The following GALNT14 variants were observed in gnomAD, a reference collection of about 807,000 sequenced individuals.
GALNT14 encodes UDP-GalNAc:polypeptide N-acetylgalactosaminyltransferase 14.
In GALNT14, 60 loss-of-function variants were observed where a neutral mutation model predicts 77.5. That is an observed-to-expected ratio of 0.77 (90% CI 0.63 to 0.96). GALNT14 has a LOEUF of 0.96. GALNT14 is among the 40% of genes least tolerant of loss of function. The pLI, the probability that GALNT14 is intolerant of heterozygous loss-of-function variation, is 0.00. For synonymous variants in GALNT14, 280 were observed against 281.7 expected (o/e 0.99, Z 0.06); for missense variants, 710 against 731.0 (o/e 0.97, Z 0.33).
chr2:31,115,360 C>T (rs1220913917), intron 1 of GALNT14, among the ~76,000 whole-genome samples: 3 of 152,044 alleles, frequency 2.0e-5, no homozygotes, highest in Non-Finnish European at 2.9e-5. Flanking sequence ...AGAATATTTG[C>T]GGATACAAGA....
intron 3 of GALNT14, 34 bp from the exon 4 acceptor site, chr2:30,958,498 C>G: frequency 1.3e-6 from 2 of 1,553,680 alleles, no homozygotes; most frequent in Non-Finnish European, 1.8e-6. Context: ...ATCACTGGAA[C>G]TTCTAGTGGC....
intron 1 of GALNT14, among the ~76,000 whole-genome samples, chr2:31,092,778 T>A (rs138659584): frequency 6.6e-6 from 1 of 152,204 alleles, no homozygotes; most frequent in African/African-American, 2.4e-5. Context: ...GAATATACAA[T>A]GTAGTGATCA....
At chr2:31,045,446 T>TC (rs1307200890) in intron 1 of GALNT14, among the ~76,000 whole-genome samples, 1 of 152,066 alleles carries the variant, frequency 6.6e-6, no homozygotes, top group East Asian at 1.9e-4. Context: ...CCATGACCCC[T>TC]CCCCCATTTT....
intron 1 of GALNT14, among the ~76,000 whole-genome samples, chr2:31,095,587 T>G (rs768308470): frequency 6.6e-6 from 1 of 152,164 alleles, no homozygotes; most frequent in African/African-American, 2.4e-5. Flanking sequence ...TTTGAAGCTT[T>G]TGACCCTCCA....
chr2:30,958,513 T>G lies in GALNT14; in HGVS notation c.399-49A>C, dbSNP rs367719788. The G allele has an allele frequency of 4.8e-6, 7 of 1,456,710 alleles. No individual in the cohort carries two copies. The African/African-American group carries it at 9.7e-5, about 20-fold the overall frequency. The allele number at this position is 1,456,710 out of a possible 1,614,324, so 90.2% of individuals were successfully genotyped here. A position where few individuals can be genotyped will look rare whatever the true frequency, so the allele number is the denominator to read the frequency against. On this transcript the variant is annotated intron_variant, in intron 3 of 14. Transcript: ENST00000349752. ...ATCACTGGAACTTCTAGTGGCAAAA[T>G]ATATGTACTAACCCGAGTTTTAAAT...
At chr2:31,096,450 G>A (rs1677008584) in intron 1 of GALNT14, among the ~76,000 whole-genome samples, 1 of 152,100 alleles carries the variant, frequency 6.6e-6, no homozygotes, top group Non-Finnish European at 1.5e-5. Context: ...GAAGTTGAGG[G>A]CTTTAATCTA....
At chr2:30,912,434 G>T in intron 13 of GALNT14, 92 bp from the exon 14 acceptor site, 1 of 1,447,974 alleles carries the variant, frequency 6.9e-7, no homozygotes, top group Non-Finnish European at 9.4e-7. Context: ...ATTAGCACAG[G>T]CTGGTAAGAA....
chr2:30,938,380 A>T (rs1482016024), intron 9 of GALNT14, among the ~76,000 whole-genome samples: 3 of 144,348 alleles, frequency 2.1e-5, no homozygotes, highest in African/African-American at 8.7e-5. Context: ...ACACACACAC[A>T]CACACTCTCT....
At chr2:31,097,126 G>C (rs188864697) in intron 1 of GALNT14, among the ~76,000 whole-genome samples, 298 of 152,162 alleles carry the variant, frequency 2.0e-3, no homozygotes, top group African/African-American at 5.8e-3. Flanking sequence ...ATGTGAGATA[G>C]GATAACTAGA....
chr2:30,896,989 C>T, the GALNT14 span, among the ~76,000 whole-genome samples: 5 of 152,278 alleles, frequency 3.3e-5, no homozygotes, highest in Admixed American at 3.3e-4. Context: ...CAATCTTCCT[C>T]TTCTCACATC....
intron 2 of GALNT14, among the ~76,000 whole-genome samples, chr2:30,983,536 C>T (rs1669113868): frequency 6.6e-6 from 1 of 152,156 alleles, no homozygotes; most frequent in Non-Finnish European, 1.5e-5. Context: ...GGAAATCTGT[C>T]CCCAGAACAA....
intron 1 of GALNT14, among the ~76,000 whole-genome samples, chr2:31,109,539 C>T (rs893677923): frequency 3.9e-5 from 6 of 152,084 alleles, no homozygotes; most frequent in African/African-American, 1.2e-4. Context: ...TGGCTTGGCT[C>T]GAATTATGTC....
chr2:30,955,730 C>T lies in GALNT14; in HGVS notation c.542G>A (p.Arg181Gln), dbSNP rs200913085. ...LRNNERQGLVRSRIRGADIAQ... is the reference protein window; with the variant it reads ...LRNNERQGLVQSRIRGADIAQ... ...GATGTCAGCGCCCCGAATCCGGGAC[C>T]GGACCAGACCTGCAGTCAGGAACAA... The change falls in exon 6 of 15, where the codon CGG becomes CAG. Residue 181 changes from arginine to glutamine, a missense_variant. Transcript: ENST00000349752. 5.3e-5 allele frequency: 86 copies of T among 1,613,956 alleles called. No homozygotes were observed. The highest frequency in any genetic ancestry group is 8.3e-5 in the Admixed American group (5 of 60,006).
At position 30,958,633 on chromosome 2, in the gene GALNT14, C is replaced by T. The variant is rs540566332; in HGVS notation, c.399-169G>A. ...GTGAGCCAGGAGGAATGTAATTCTG[C>T]CTTCACCATCTTAGTGAATACCTCC... On this transcript the variant is annotated intron_variant, in intron 3 of 14. Coordinates refer to ENST00000349752, the MANE Select transcript of GALNT14 (RefSeq NM_024572.4). 5.9e-5 allele frequency among the ~76,000 whole-genome samples: 9 copies of T among 152,266 alleles called. No homozygotes were observed. The East Asian group carries it at 1.7e-3, about 29-fold the overall frequency.
At chr2:30,959,291 A>G (rs888072419) in intron 3 of GALNT14, among the ~76,000 whole-genome samples, 13 of 151,898 alleles carry the variant, frequency 8.6e-5, no homozygotes, top group African/African-American at 3.1e-4. Flanking sequence ...TTGGTTTTGT[A>G]CCTCACCCGC....
the GALNT14 span, among the ~76,000 whole-genome samples, chr2:30,896,787 G>C: frequency 6.6e-6 from 1 of 152,002 alleles, no homozygotes; most frequent in Non-Finnish European, 1.5e-5. Context: ...CTCTCACCTT[G>C]CTCCATCTTT....
At chr2:31,009,036 A>C (rs1443826063) in intron 1 of GALNT14, among the ~76,000 whole-genome samples, 1 of 152,230 alleles carries the variant, frequency 6.6e-6, no homozygotes, top group Admixed American at 6.5e-5. Flanking sequence ...CCCGGGCTGC[A>C]GGAGGGGAGA....
intron 6 of GALNT14, among the ~76,000 whole-genome samples, chr2:30,950,620 T>C (rs148072804): frequency 1.3e-5 from 2 of 152,110 alleles, no homozygotes; most frequent in African/African-American, 2.4e-5. Flanking sequence ...GGAGTCAGAG[T>C]CTTAGCAAAA....
chr2:31,079,793 A>G (rs1573316472), intron 1 of GALNT14, among the ~76,000 whole-genome samples: 1 of 152,184 alleles, frequency 6.6e-6, no homozygotes, highest in African/African-American at 2.4e-5. Context: ...CTACAACCCA[A>G]CACGGGTCCC....
Sources: gnomAD v4.1 joint callset for allele counts (sites outside exome capture counted in the v4.1 genomes callset) on GRCh38, gnomAD v4.1.1 for gene constraint, MANE v1.5 for transcripts, NCBI Gene and HGNC (gene_info 2026-07-23, HGNC 2026-07-21) for gene names.